Variants in ADARB2 observed in about 807,000 individuals in gnomAD.
ADARB2 encodes the protein adenosine deaminase RNA specific B2 (inactive), also known as inactive double-stranded RNA-specific editase B2.
Under a neutral mutation model 62.2 loss-of-function variants are expected in ADARB2, and 25 were observed. The observed-to-expected ratio is 0.40, with a 90% CI of 0.29 to 0.56. ADARB2 has a LOEUF of 0.56. ADARB2 is among the 20% of genes least tolerant of loss of function. ADARB2 has a pLI of 0.43. For missense variants in ADARB2, 1,071 were observed against 1,077.4 expected, an observed-to-expected ratio of 0.99 and a Z score of 0.08; for synonymous variants, 572 against 500.8, an observed-to-expected ratio of 1.14 and a Z score of -1.90.
chr10:1,574,188 C>A (rs1832979553), intron 1 of ADARB2, among the ~76,000 whole-genome samples: 1 of 152,160 alleles, frequency 6.6e-6, no homozygotes, highest in South Asian at 2.1e-4. Flanking sequence ...GTGATGTGGG[C>A]CGAGAGCACG....
At chr10:1,467,641 C>T (rs1271717925) in intron 1 of ADARB2, among the ~76,000 whole-genome samples, 3 of 152,204 alleles carry the variant, frequency 2.0e-5, no homozygotes, top group Non-Finnish European at 4.4e-5. Flanking sequence ...GGACTATTAA[C>T]TGGTCGACTT....
At chr10:1,491,529 T>C (rs898235782) in intron 1 of ADARB2, among the ~76,000 whole-genome samples, 1 of 152,214 alleles carries the variant, frequency 6.6e-6, no homozygotes, top group Non-Finnish European at 1.5e-5. Context: ...TCTAGAGTCA[T>C]CCTGCCTGAC....
intron 1 of ADARB2, among the ~76,000 whole-genome samples, chr10:1,528,470 A>G (rs751793359): frequency 3.3e-5 from 5 of 152,220 alleles, no homozygotes; most frequent in Non-Finnish European, 5.9e-5. Flanking sequence ...GATGCGCCAA[A>G]GTACTGCTGA....
intron 1 of ADARB2, among the ~76,000 whole-genome samples, chr10:1,657,923 C>A (rs1315740447): frequency 6.7e-6 from 1 of 150,276 alleles, no homozygotes; most frequent in African/African-American, 2.4e-5. Context: ...TTATCTGATT[C>A]TCTGTCTCTC....
chr10:1,337,093 T>TGTGTGTGTGTGTGTGTG (rs1554755012), intron 3 of ADARB2, among the ~76,000 whole-genome samples: 1 of 150,490 alleles, frequency 6.6e-6, no homozygotes, highest in African/African-American at 2.4e-5. Flanking sequence ...TGTGTGTGTG[T>TGTGTGTGTGTGTGTGTG]TTTAGATATA....
intron 8 of ADARB2, among the ~76,000 whole-genome samples, chr10:1,191,732 C>A (rs544113900): frequency 2.0e-5 from 3 of 152,174 alleles, no homozygotes; most frequent in East Asian, 1.9e-4. Flanking sequence ...ATAAGCTGGT[C>A]TCCCGGAGCC....
intron 1 of ADARB2, among the ~76,000 whole-genome samples, chr10:1,448,777 T>A (rs1831000834): frequency 6.6e-6 from 1 of 152,148 alleles, no homozygotes; most frequent in African/African-American, 2.4e-5. Context: ...AATCAACAGC[T>A]TTCCTTTGTC....
At chr10:1,185,095 C>T (rs1365995116) in intron 8 of ADARB2, 56 bp from the exon 9 acceptor site, 12 of 1,554,488 alleles carry the variant, frequency 7.7e-6, no homozygotes, top group Non-Finnish European at 1.0e-5. Context: ...ACACGGGGCT[C>T]CCCCAAGGGC....
intron 1 of ADARB2, among the ~76,000 whole-genome samples, chr10:1,593,955 TC>T (rs1673122693): frequency 6.6e-6 from 1 of 152,100 alleles, no homozygotes. Flanking sequence ...ATAAGAGCCA[TC>T]CAGTCAGCTG....
At chr10:1,302,035 C>T (rs549748845) in intron 3 of ADARB2, among the ~76,000 whole-genome samples, 2 of 152,162 alleles carry the variant, frequency 1.3e-5, no homozygotes, top group South Asian at 2.1e-4. Context: ...CCAAGATGGC[C>T]GAATAGGAAC....
chr10:1,680,014 C>A (rs776611217), intron 1 of ADARB2, among the ~76,000 whole-genome samples: 1 of 152,164 alleles, frequency 6.6e-6, no homozygotes, highest in Non-Finnish European at 1.5e-5. Context: ...CCAGGCAGTG[C>A]TCCAGTGCCG....
chr10:1,630,614 C>T lies in ADARB2; in HGVS notation c.100+106437G>A, dbSNP rs563771664. On this transcript the variant is annotated intron_variant, in intron 1 of 9. Coordinates refer to ENST00000381312, the MANE Select transcript of ADARB2 (RefSeq NM_018702.4). ...GCTGAAGTTTCAGGCAGAGAAATGGCGACTCTATGAATGCCTCAGTGCATT... is the reference window on the plus strand; with the variant it reads ...GCTGAAGTTTCAGGCAGAGAAATGGTGACTCTATGAATGCCTCAGTGCATT... Among the ~76,000 whole-genome samples, 81 of 152,034 alleles carry T rather than the reference C, an allele frequency of 5.3e-4. 1 individual carries two copies. The highest frequency in any genetic ancestry group is 8.4e-4 in the Non-Finnish European group (57 of 68,020).
At chr10:1,500,984 C>A (rs892727427) in intron 1 of ADARB2, among the ~76,000 whole-genome samples, 1 of 152,204 alleles carries the variant, frequency 6.6e-6, no homozygotes, top group Non-Finnish European at 1.5e-5. Flanking sequence ...AAGCGATTCT[C>A]CTGCCTTAGC....
intron 1 of ADARB2, among the ~76,000 whole-genome samples, chr10:1,479,480 G>T (rs1469386662): frequency 6.6e-6 from 1 of 152,174 alleles, no homozygotes; most frequent in Non-Finnish European, 1.5e-5. Context: ...GCTTGGAGTA[G>T]AGTAGGTAGG....
intron 1 of ADARB2, among the ~76,000 whole-genome samples, chr10:1,708,801 GA>G (rs780917090): frequency 8.5e-5 from 13 of 152,170 alleles, no homozygotes; most frequent in Non-Finnish European, 1.6e-4. Context: ...CATCACATAT[GA>G]AATCCTTTTT....
chr10:1,633,551 T>C (rs944142058), intron 1 of ADARB2, among the ~76,000 whole-genome samples: 1 of 57,284 alleles, frequency 1.7e-5, no homozygotes, highest in East Asian at 4.8e-4. Flanking sequence ...CTATCTATCA[T>C]CTATCTATCT....
chr10:1,376,232 G>C (rs1425598799), intron 2 of ADARB2, among the ~76,000 whole-genome samples: 1 of 152,172 alleles, frequency 6.6e-6, no homozygotes, highest in African/African-American at 2.4e-5. Context: ...TGAAAATAAA[G>C]TAAATAAACA....
rs116593919 is a variant in ADARB2, at chr10:1,605,817, G to A, written c.100+131234C>T. Among the ~76,000 whole-genome samples the A allele has an allele frequency of 4.3e-3, 652 of 152,212 alleles. 1 individual carries two copies. Among genetic ancestry groups the A allele is most frequent in the African/African-American group, 0.014 (600 of 41,544 alleles). ...ATATTGGCTTAGAATATGAATTTAT[G>A]GACAACTTAGAGAACGTTAAGAGGA... On this transcript the variant is annotated intron_variant, in intron 1 of 9. Coordinates refer to ENST00000381312, the MANE Select transcript of ADARB2 (RefSeq NM_018702.4).
intron 1 of ADARB2, among the ~76,000 whole-genome samples, chr10:1,735,980 A>T (rs984069532): frequency 6.6e-6 from 1 of 152,230 alleles, no homozygotes; most frequent in African/African-American, 2.4e-5. Flanking sequence ...GGAAAGATGG[A>T]CAACCCCAAA....
Sources: gnomAD v4.1 joint callset for allele counts (sites outside exome capture counted in the v4.1 genomes callset) on GRCh38, gnomAD v4.1.1 for gene constraint, MANE v1.5 for transcripts, NCBI Gene and HGNC (gene_info 2026-07-23, HGNC 2026-07-21) for gene names.